FIGN: variants seen among roughly 807,000 people sequenced by gnomAD.
FIGN encodes the protein fidgetin, microtubule severing factor.
Under a neutral mutation model 51.3 loss-of-function variants are expected in FIGN, and 11 were observed. That is an observed-to-expected ratio of 0.21 (90% CI 0.13 to 0.35). The LOEUF (loss-of-function observed/expected upper bound fraction) is 0.35, where lower values mean the gene tolerates loss of function less well. FIGN is among the 10% of genes least tolerant of loss of function. The pLI is 1.00. For missense variants in FIGN, 857 were observed against 943.6 expected (o/e 0.91, Z 1.20); for synonymous variants, 407 against 363.2 (o/e 1.12, Z -1.37).
chr2:163,629,407 G>A lies in FIGN; in HGVS notation c.26-17601C>T, dbSNP rs950193222. On this transcript the variant is annotated intron_variant, in intron 2 of 2. Coordinates refer to ENST00000333129, the MANE Select transcript of FIGN (RefSeq NM_018086.4). ...GTGGGATCAGACGTCATGGTGAGTT[G>A]GTGATGGAGGAAAGGGGTTGTGAGA... 1.3e-5 allele frequency among the ~76,000 whole-genome samples: 2 copies of A among 152,086 alleles called. 1 individual carries two copies. Among genetic ancestry groups the A allele is most frequent in the South Asian group, 4.1e-4 (2 of 4,824 alleles).
chr2:163,708,498 G>A (rs1275895537), intron 2 of FIGN, among the ~76,000 whole-genome samples: 1 of 152,114 alleles, frequency 6.6e-6, no homozygotes, highest in Non-Finnish European at 1.5e-5. Context: ...TGGCCAAGGC[G>A]AAATAGCAAT....
rs533752949 is a variant in FIGN, at chr2:163,685,414, A to G, written c.25+49489T>C. Among the ~76,000 whole-genome samples, 4 of 152,284 alleles carry G rather than the reference A, an allele frequency of 2.6e-5. No homozygotes were observed. The South Asian group carries it at 8.3e-4, about 32-fold the overall frequency. ...AATCTCTCAGACAGAAGTTTTTCAG[A>G]TCAATCACTTTTTCTGACATCTTCT... On this transcript the variant is annotated intron_variant, in intron 2 of 2. Coordinates refer to ENST00000333129, the MANE Select transcript of FIGN (RefSeq NM_018086.4).
intron 2 of FIGN, among the ~76,000 whole-genome samples, chr2:163,656,774 G>C (rs572146260): frequency 8.5e-5 from 13 of 152,264 alleles, no homozygotes; most frequent in South Asian, 6.2e-4. Flanking sequence ...TCTGGAGTTA[G>C]ATTGTCAAGA....
At position 163,611,819 on chromosome 2, in the gene FIGN, G is replaced by T; in HGVS notation, c.26-13C>A. 2 of 1,583,570 alleles carry T rather than the reference G, an allele frequency of 1.3e-6. No homozygotes were observed. The highest frequency in any genetic ancestry group is 1.7e-6 in the Non-Finnish European group (2 of 1,159,002). On this transcript the variant is annotated splice_polypyrimidine_tract_variant and intron_variant, in intron 2 of 2. Coordinates refer to ENST00000333129, the MANE Select transcript of FIGN (RefSeq NM_018086.4). ...TGCATCTTCAAGCCTAAGAATTTTG[G>T]GGGGAAAAGAGTTAATTTACTTAAA...
At chr2:163,718,832 AGAGAGAGT>A (rs1189996625) in intron 2 of FIGN, among the ~76,000 whole-genome samples, 1 of 128,166 alleles carries the variant, frequency 7.8e-6, no homozygotes. Flanking sequence ...TATATAAGAC[AGAGAGAGT>A]GAGAGAGAGA....
At chr2:163,709,509 C>T (rs1335778472) in intron 2 of FIGN, among the ~76,000 whole-genome samples, 1 of 152,156 alleles carries the variant, frequency 6.6e-6, no homozygotes, top group Non-Finnish European at 1.5e-5. Context: ...TTTCAGTATG[C>T]TGGAGAAAGA....
intron 2 of FIGN, among the ~76,000 whole-genome samples, chr2:163,733,593 T>C (rs553297338): frequency 2.6e-5 from 4 of 152,350 alleles, no homozygotes; most frequent in African/African-American, 9.6e-5. Flanking sequence ...CCTTAAAACA[T>C]TTCTCAGGGC....
At chr2:163,620,653 A>G (rs1682952826) in intron 2 of FIGN, among the ~76,000 whole-genome samples, 1 of 152,194 alleles carries the variant, frequency 6.6e-6, no homozygotes, top group Non-Finnish European at 1.5e-5. Context: ...AATAATTATC[A>G]TCATCCTAAA....
At chr2:163,655,919 A>G (rs1250944127) in intron 2 of FIGN, among the ~76,000 whole-genome samples, 1 of 152,250 alleles carries the variant, frequency 6.6e-6, no homozygotes, top group Middle Eastern at 3.4e-3. Context: ...TACTTACAGC[A>G]TAAGTGGACT....
intron 2 of FIGN, among the ~76,000 whole-genome samples, chr2:163,656,208 T>A (rs975980682): frequency 2.0e-5 from 3 of 152,128 alleles, no homozygotes; most frequent in Admixed American, 2.0e-4. Flanking sequence ...CTTAGAGACA[T>A]CTAGAGATAA....
At chr2:163,705,726 G>A (rs572039929) in intron 2 of FIGN, among the ~76,000 whole-genome samples, 7 of 150,740 alleles carry the variant, frequency 4.6e-5, no homozygotes, top group Non-Finnish European at 7.4e-5. Flanking sequence ...TTATTATAAT[G>A]GTTTTACTTT....
intron 2 of FIGN, among the ~76,000 whole-genome samples, chr2:163,683,245 CA>C (rs1219721228): frequency 3.9e-5 from 6 of 152,048 alleles, no homozygotes; most frequent in African/African-American, 1.4e-4. Flanking sequence ...TAAAGTGTTG[CA>C]ATAGGAAATA....
At position 163,610,852 on chromosome 2, in the gene FIGN, C is replaced by T; in HGVS notation, c.980G>A (p.Gly327Glu). Residue 327 changes from glycine (G) to glutamate (E), a missense_variant, in exon 3 of 3, where the codon GGA (glycine) becomes GAA (glutamate). Around this residue, in one of 3 missense-constraint regions of FIGN, gnomAD observed 799 missense variants for 849.5 expected, o/e 0.94. Coordinates refer to ENST00000333129, the MANE Select transcript of FIGN (RefSeq NM_018086.4). ...ATTTCCATAACTGGAGTCCATATCT[C>T]CTTGCCCTGCCATGTAGAAAGCTTT... The part of the protein sequence containing the change: ...KRKAFYMAGQ[G>E]DMDSSYGNYS... 7 of 1,613,942 alleles carry T rather than the reference C, an allele frequency of 4.3e-6. No homozygotes were observed. Among genetic ancestry groups the T allele is most frequent in the East Asian group, 2.2e-5 (1 of 44,828 alleles).
intron 2 of FIGN, among the ~76,000 whole-genome samples, chr2:163,627,385 T>C (rs1471254709): frequency 1.3e-5 from 2 of 152,184 alleles, no homozygotes; most frequent in Non-Finnish European, 2.9e-5. Flanking sequence ...GATGGATATA[T>C]GCATGAAACA....
At chr2:163,646,636 C>A (rs1683387085) in intron 2 of FIGN, among the ~76,000 whole-genome samples, 1 of 152,114 alleles carries the variant, frequency 6.6e-6, no homozygotes, top group Non-Finnish European at 1.5e-5. Flanking sequence ...TAAGAACTGG[C>A]ATATAAATGT....
chr2:163,623,804 A>T (rs1261849145), intron 2 of FIGN, among the ~76,000 whole-genome samples: 2 of 152,094 alleles, frequency 1.3e-5, no homozygotes, highest in Non-Finnish European at 1.5e-5. Context: ...CTGTTTATTT[A>T]GTGCTTCTAC....
chr2:163,664,329 T>C (rs1683739002), intron 2 of FIGN, among the ~76,000 whole-genome samples: 1 of 152,236 alleles, frequency 6.6e-6, no homozygotes, highest in African/African-American at 2.4e-5. Flanking sequence ...TCTATGATCC[T>C]CTTCTCCAGT....
chr2:163,669,417 T>C (rs1186472625), intron 2 of FIGN, among the ~76,000 whole-genome samples: 1 of 152,186 alleles, frequency 6.6e-6, no homozygotes, highest in Non-Finnish European at 1.5e-5. Context: ...GGTCTTCCTA[T>C]GTTGCCCAGG....
At chr2:163,622,588 G>A (rs1376046022) in intron 2 of FIGN, among the ~76,000 whole-genome samples, 1 of 151,702 alleles carries the variant, frequency 6.6e-6, no homozygotes, top group East Asian at 1.9e-4. Context: ...TTGAGACAGG[G>A]TCTCACTCTG....
Sources: allele counts gnomAD v4.1 joint callset (sites outside exome capture counted in the v4.1 genomes callset), GRCh38; gene constraint gnomAD v4.1.1; regional missense constraint gnomAD v4.1.1; transcripts MANE v1.5; gene names NCBI Gene and HGNC (gene_info 2026-07-23, HGNC 2026-07-21).